The following ASTN1 variants were observed in gnomAD, a reference collection of about 807,000 sequenced individuals.
The protein encoded by ASTN1 is astrotactin-1.
A neutral mutation model predicts 140.7 loss-of-function variants in ASTN1; 41 were observed. That is an observed-to-expected ratio of 0.29 (90% CI 0.23 to 0.38). The LOEUF (loss-of-function observed/expected upper bound fraction) is 0.38, where lower values mean the gene tolerates loss of function less well. Ranked by LOEUF, ASTN1 falls within the 10% of genes least tolerant of loss-of-function variation. The probability of loss-of-function intolerance (pLI) is 1.00; values close to 1 mark genes in which losing one functional copy is unlikely to be tolerated. For synonymous variants in ASTN1, 640 were observed against 652.2 expected (o/e 0.98, Z 0.29); for missense variants, 1,479 against 1,678.8 (o/e 0.88, Z 2.08).
At chr1:177,146,873 C>T (rs2102235212) in intron 1 of ASTN1, among the ~76,000 whole-genome samples, 1 of 152,244 alleles carries the variant, frequency 6.6e-6, no homozygotes, top group African/African-American at 2.4e-5. Context: ...ATAGTTCAGC[C>T]TGCAACTCAA....
rs146680064 is a variant in ASTN1 at position 177,106,988 on chromosome 1, G to A, written c.284-45723C>T. ...CCAAGAAGTAATGAAATAGCAGATG[G>A]CAGGCCATGCAGCAGTGGGGTGGAC... On this transcript the variant is annotated intron_variant, in intron 1 of 22. Coordinates refer to ENST00000361833, the MANE Select transcript of ASTN1 (RefSeq NM_004319.3). Among the ~76,000 whole-genome samples, 5 of 152,278 alleles carry A rather than the reference G, an allele frequency of 3.3e-5. No individual in the cohort carries two copies. In the East Asian group the frequency reaches 9.7e-4, roughly 29 times the overall value.
At chr1:176,965,016 T>G (rs575313373) in intron 9 of ASTN1, 147 bp downstream of exon 9, 9 of 731,590 alleles carry the variant, frequency 1.2e-5, no homozygotes, top group African/African-American at 8.7e-5. Flanking sequence ...TGGGCATGAC[T>G]GGGGGCAAAC....
chr1:176,966,759 ATTAT>A (rs1273970201), intron 8 of ASTN1, among the ~76,000 whole-genome samples: 1 of 151,800 alleles, frequency 6.6e-6, no homozygotes, highest in Non-Finnish European at 1.5e-5. Flanking sequence ...TATAAAATTT[ATTAT>A]TTATTTTATT....
At chr1:176,947,644 T>C (rs1672012978) in intron 12 of ASTN1, among the ~76,000 whole-genome samples, 1 of 152,146 alleles carries the variant, frequency 6.6e-6, no homozygotes, top group Non-Finnish European at 1.5e-5. Context: ...GATAGTGAAG[T>C]GGTTCCTTCC....
intron 16 of ASTN1, among the ~76,000 whole-genome samples, chr1:176,933,160 G>T (rs1452694957): frequency 6.6e-6 from 1 of 152,202 alleles, no homozygotes. Context: ...CCAGCCAGAG[G>T]AGAGGCCATC....
intron 8 of ASTN1, among the ~76,000 whole-genome samples, chr1:176,982,852 G>A (rs1217008409): frequency 2.6e-5 from 4 of 152,204 alleles, no homozygotes; most frequent in Non-Finnish European, 5.9e-5. Flanking sequence ...GAGCCTTCAG[G>A]AGTTCATGGT....
chr1:177,153,349 T>C (rs986155623), intron 1 of ASTN1, among the ~76,000 whole-genome samples: 4 of 152,098 alleles, frequency 2.6e-5, no homozygotes, highest in Admixed American at 6.6e-5. Flanking sequence ...CAGATGCAGA[T>C]ACCCAATCTT....
intron 8 of ASTN1, among the ~76,000 whole-genome samples, chr1:176,982,324 G>A (rs939566540): frequency 1.6e-4 from 24 of 152,326 alleles, no homozygotes; most frequent in African/African-American, 3.6e-4. Context: ...CCGAGGGGCC[G>A]GTAACTCAGG....
intron 1 of ASTN1, among the ~76,000 whole-genome samples, chr1:177,114,814 C>T (rs1681001234): frequency 6.6e-6 from 1 of 152,118 alleles, no homozygotes; most frequent in Admixed American, 6.6e-5. Context: ...TTTTGGTGGC[C>T]ACAGTCAAAA....
At chr1:177,024,462 G>A (rs552312878) in intron 6 of ASTN1, 121 bp downstream of exon 6, 7 of 1,273,246 alleles carry the variant, frequency 5.5e-6, no homozygotes, top group East Asian at 5.0e-5. Flanking sequence ...ACTTATTTCA[G>A]TTTGGTTTTC....
intron 5 of ASTN1, among the ~76,000 whole-genome samples, chr1:177,028,003 C>G (rs542959025): frequency 6.6e-6 from 1 of 152,138 alleles, no homozygotes; most frequent in Non-Finnish European, 1.5e-5. Context: ...TATATCCAAT[C>G]CAATTCAACA....
chr1:176,977,205 C>A (rs1283379308), intron 8 of ASTN1, among the ~76,000 whole-genome samples: 1 of 152,190 alleles, frequency 6.6e-6, no homozygotes, highest in South Asian at 2.1e-4. Context: ...GAGCTTTTAT[C>A]CTTTTCCCAA....
At chr1:177,162,189 T>G (rs1476389434) in intron 1 of ASTN1, among the ~76,000 whole-genome samples, 1 of 152,208 alleles carries the variant, frequency 6.6e-6, no homozygotes, top group African/African-American at 2.4e-5. Context: ...AAAACTACCT[T>G]TGAGTCTATC....
intron 21 of ASTN1, among the ~76,000 whole-genome samples, chr1:176,875,809 CTTAAA>C (rs1185675450): frequency 7.2e-5 from 11 of 152,284 alleles, no homozygotes; most frequent in Admixed American, 6.5e-4. Context: ...GATAAGATTA[CTTAAA>C]TTAGTGCTGG....
intron 1 of ASTN1, among the ~76,000 whole-genome samples, chr1:177,116,436 T>G (rs1681095107): frequency 6.6e-6 from 1 of 152,216 alleles, no homozygotes; most frequent in South Asian, 2.1e-4. Flanking sequence ...AAATAGTTTA[T>G]CACTAAATCT....
chr1:176,989,734 C>T (rs575410881), intron 8 of ASTN1, among the ~76,000 whole-genome samples: 10 of 152,096 alleles, frequency 6.6e-5, no homozygotes, highest in Non-Finnish European at 1.0e-4. Flanking sequence ...TGATAATGGA[C>T]GAATAATGGC....
intron 1 of ASTN1, among the ~76,000 whole-genome samples, chr1:177,116,040 T>C (rs1376316979): frequency 3.3e-5 from 5 of 152,312 alleles, no homozygotes; most frequent in African/African-American, 7.2e-5. Context: ...AACCTTCTAA[T>C]GTATCTCAGC....
intron 16 of ASTN1, among the ~76,000 whole-genome samples, chr1:176,924,661 C>T (rs1047123780): frequency 6.4e-4 from 98 of 152,262 alleles, no homozygotes; most frequent in African/African-American, 2.4e-3. Context: ...ATGAACAGCC[C>T]ATCCCAGGAA....
intron 16 of ASTN1, among the ~76,000 whole-genome samples, chr1:176,914,807 G>A (rs1670412206): frequency 6.6e-6 from 1 of 152,196 alleles, no homozygotes; most frequent in Admixed American, 6.5e-5. Flanking sequence ...GAGAATGAGG[G>A]ACAATCCAGG....
Sources: allele counts gnomAD v4.1 joint callset (sites outside exome capture counted in the v4.1 genomes callset), GRCh38; gene constraint gnomAD v4.1.1; transcripts MANE v1.5; gene names NCBI Gene and HGNC (gene_info 2026-07-23, HGNC 2026-07-21).